UNKL: variants seen among roughly 807,000 people sequenced by gnomAD.
UNKL encodes unk like zinc finger, also known as putative E3 ubiquitin-protein ligase UNKL.
UNKL carries 60 observed loss-of-function variants against 78.0 expected under a neutral mutation model. That is an observed-to-expected ratio of 0.77 (90% confidence interval 0.63 to 0.95). UNKL has a LOEUF of 0.95. UNKL is among the 40% of genes least tolerant of loss of function. UNKL has a pLI of 0.00. For missense variants in UNKL, 1,159 were observed against 1,045.7 expected (o/e 1.11, Z -1.49); for synonymous variants, 608 against 474.8 (o/e 1.28, Z -3.65).
intron 2 of UNKL, among the ~76,000 whole-genome samples, chr16:1,412,476 G>C (rs753627469): frequency 6.6e-6 from 1 of 152,186 alleles, no homozygotes; most frequent in African/African-American, 2.4e-5. Flanking sequence ...GCTAGGCGTG[G>C]TGGCGGGTGC....
At chr16:1,411,718 G>T (rs1408241494) in intron 2 of UNKL, among the ~76,000 whole-genome samples, 5 of 150,986 alleles carry the variant, frequency 3.3e-5, no homozygotes, top group African/African-American at 1.2e-4. Context: ...CCAGCTACTC[G>T]GGAGGCTGAG....
intron 7 of UNKL, among the ~76,000 whole-genome samples, chr16:1,393,655 G>C (rs2037141132): frequency 6.6e-6 from 1 of 152,240 alleles, no homozygotes; most frequent in Non-Finnish European, 1.5e-5. Flanking sequence ...GAGCAACCCT[G>C]CTTGAGGGTC....
In UNKL at chr16:1,401,580, G is replaced by C. The variant is rs753503783; in HGVS notation, c.586C>G (p.Pro196Ala). The C allele has an allele frequency of 6.9e-6, 11 of 1,589,590 alleles. No individual in the cohort carries two copies. The highest frequency in any genetic ancestry group is 9.4e-6 in the Non-Finnish European group (11 of 1,166,320). ...GCCGTGGAGTTACCTTGCCACCGGG[G>C]GTCCTCGCTCAGGATCTTCTCAATC... ...AMIEKILSEDPRWQDANFVLG... is the reference protein window; with the variant it reads ...AMIEKILSEDARWQDANFVLG... Residue 196 changes from proline (P) to alanine (A), a missense_variant, in exon 4 of 15, where the codon CCC becomes GCC. Coordinates refer to ENST00000389221, the MANE Select transcript of UNKL (RefSeq NM_001372107.1).
rs568987128 is a variant in UNKL, at chr16:1,366,407, G to GAAC, written c.2047-15_2047-13dup. ...AGCTGGAAGATCACCTGCAGGGCCA[G>GAAC]AACAATGACGGGCTCAGGAGGCCCC... On this transcript the variant is annotated splice_polypyrimidine_tract_variant and intron_variant, in intron 14 of 14. Transcript: ENST00000389221. The GAAC allele has an allele frequency of 1.9e-4, 297 of 1,570,752 alleles. 3 individuals are homozygous for GAAC. The South Asian group carries it at 3.2e-3, about 17-fold the overall frequency.
intron 5 of UNKL, chr16:1,398,438 C>T: frequency 9.1e-7 from 1 of 1,095,906 alleles, no homozygotes; most frequent in Non-Finnish European, 1.1e-6. Flanking sequence ...GTGGTTTGTT[C>T]TACAGCCGTT....
intron 10 of UNKL, among the ~76,000 whole-genome samples, chr16:1,381,726 G>C (rs1444902410): frequency 6.6e-6 from 1 of 152,212 alleles, no homozygotes; most frequent in African/African-American, 2.4e-5. Context: ...GTGTGATTTA[G>C]TAAGATCCAG....
intron 5 of UNKL, among the ~76,000 whole-genome samples, chr16:1,398,062 G>A (rs1177740492): frequency 8.5e-5 from 13 of 152,250 alleles, no homozygotes; most frequent in Admixed American, 8.5e-4. Context: ...GGAGAACGCA[G>A]GGGAGAAGCA....
intron 5 of UNKL, chr16:1,398,246 C>T (rs1295885116): frequency 2.1e-6 from 2 of 969,274 alleles, no homozygotes; most frequent in Non-Finnish European, 2.5e-6. Context: ...CACCGCACTC[C>T]AGCCTGGGCC....
At chr16:1,394,533 G>A (rs1047568608) in intron 6 of UNKL, 16 of 542,680 alleles carry the variant, frequency 2.9e-5, no homozygotes, top group African/African-American at 2.8e-4. Flanking sequence ...GTATGCAGCA[G>A]GTGCCTAATA....
chr16:1,387,213 C>T lies in UNKL; in HGVS notation c.1087-1828G>A, dbSNP rs1477799260. ...ATGCAACACCGGGGACACTCCCAGCCATGCAACACCGGGGACACTCCCAGC... is the reference window on the plus strand; with the variant it reads ...ATGCAACACCGGGGACACTCCCAGCTATGCAACACCGGGGACACTCCCAGC... On this transcript the variant is annotated intron_variant, in intron 9 of 14. Coordinates refer to ENST00000389221, the MANE Select transcript of UNKL (RefSeq NM_001372107.1). The surrounding 1 kb of genome is among the most constrained non-coding windows in gnomAD (Gnocchi z 4.1). Among the ~76,000 whole-genome samples, 1 of 151,660 alleles carries T rather than the reference C, an allele frequency of 6.6e-6. No homozygotes were observed. Among genetic ancestry groups the T allele is most frequent in the Non-Finnish European group, 1.5e-5 (1 of 67,980 alleles).
rs967816617 is a variant in UNKL, at chr16:1,363,445, C to T, written c.*2795G>A. ...CTTCCAGAAATTAATCCACTTGAGG[C>T]GTCCACGCGGAACAAGGTCTGCTGA... is the stretch of plus-strand genomic sequence containing the variant. On this transcript the variant is annotated 3_prime_UTR_variant, in exon 15 of 15. Transcript: ENST00000389221. The T allele has an allele frequency of 2.9e-6, 1 of 346,894 alleles. No individual in the cohort carries two copies. Among genetic ancestry groups the T allele is most frequent in the African/African-American group, 2.1e-5 (1 of 46,824 alleles). 21.5% of individuals were successfully genotyped at this position (346,894 alleles called of 1,614,324 possible).
rs1463270403 is a variant in UNKL at position 1,365,076 on chromosome 16, C to T, written c.*1164G>A. Reference sequence around the variant, plus strand: ...TGGCGCGATCTCGGCTCACTGCAACCTCTGCCTCCCAGGTTCAAGCGATTC... The same window carrying T: ...TGGCGCGATCTCGGCTCACTGCAACTTCTGCCTCCCAGGTTCAAGCGATTC... On this transcript the variant is annotated 3_prime_UTR_variant, in exon 15 of 15. Coordinates refer to ENST00000389221, the MANE Select transcript of UNKL (RefSeq NM_001372107.1). The T allele has an allele frequency of 6.5e-6, 1 of 152,822 alleles. No individual in the cohort carries two copies. The highest frequency in any genetic ancestry group is 1.5e-5 in the Non-Finnish European group (1 of 68,640). The allele number at this position is 152,822 out of a possible 1,614,324, so 9.5% of individuals were successfully genotyped here. A position where few individuals can be genotyped will look rare whatever the true frequency, so the allele number is the denominator to read the frequency against.
chr16:1,411,685 C>T (rs187004377), intron 2 of UNKL, among the ~76,000 whole-genome samples: 24 of 151,570 alleles, frequency 1.6e-4, no homozygotes, highest in Non-Finnish European at 3.4e-4. Flanking sequence ...ATTAGCTGGG[C>T]GTGGTGGCAC....
intron 2 of UNKL, among the ~76,000 whole-genome samples, chr16:1,406,819 T>C (rs1372520714): frequency 1.3e-5 from 2 of 152,046 alleles, no homozygotes; most frequent in Non-Finnish European, 2.9e-5. Context: ...AAATTAAATA[T>C]TGCAAGAGGA....
intron 2 of UNKL, among the ~76,000 whole-genome samples, chr16:1,405,281 G>GAGGA (rs2037703559): frequency 6.9e-6 from 1 of 144,580 alleles, no homozygotes; most frequent in African/African-American, 2.6e-5. Flanking sequence ...GGGAGGGAGG[G>GAGGA]AGAAAGGAAG....
intron 13 of UNKL, 125 bp downstream of exon 13, chr16:1,367,531 C>G: frequency 1.1e-6 from 1 of 882,512 alleles, no homozygotes; most frequent in Non-Finnish European, 1.6e-6. Context: ...GTCTCACCCC[C>G]CACACGCTCA....
chr16:1,388,420 C>T (rs531090990), intron 9 of UNKL, among the ~76,000 whole-genome samples: 1 of 152,142 alleles, frequency 6.6e-6, no homozygotes, highest in African/African-American at 2.4e-5. Context: ...CAGGAGGGGA[C>T]TCCACCCCGG....
At chr16:1,405,323 C>T (rs997037003) in intron 2 of UNKL, among the ~76,000 whole-genome samples, 1 of 151,432 alleles carries the variant, frequency 6.6e-6, no homozygotes, top group Non-Finnish European at 1.5e-5. Flanking sequence ...CAGCTGGGTA[C>T]AGTGGCTCAC....
In UNKL at chr16:1,367,850, C is replaced by T. The variant is rs1008294765; in HGVS notation, c.1594G>A (p.Gly532Ser). 2 of 1,566,552 alleles carry T rather than the reference C, an allele frequency of 1.3e-6. No homozygotes were observed. Among genetic ancestry groups the T allele is most frequent in the African/African-American group, 1.4e-5 (1 of 73,858 alleles). Residue 532 changes from glycine (G) to serine (S), a missense_variant, in exon 13 of 15, where the codon GGT becomes AGT. By Grantham distance (56) the Gly-to-Ser change is moderately conservative. Coordinates refer to ENST00000389221, the MANE Select transcript of UNKL (RefSeq NM_001372107.1). ...ASSYSPLGLN[G>S]VPGSIWDFVS... ...AAGTCCCAGATGCTCCCGGGGACAC[C>T]GTTCAAACCTGAGTGTGAAACGGTC... is the stretch of plus-strand genomic sequence containing the variant.
Sources: allele counts gnomAD v4.1 joint callset (sites outside exome capture counted in the v4.1 genomes callset), GRCh38; gene constraint gnomAD v4.1.1; non-coding constraint Gnocchi (gnomAD v3.1); transcripts MANE v1.5; gene names NCBI Gene and HGNC (gene_info 2026-07-23, HGNC 2026-07-21).